RPS6KC1: variants seen among roughly 807,000 people sequenced by gnomAD.
The protein encoded by RPS6KC1 is ribosomal protein S6 kinase C1.
RPS6KC1 carries 54 observed loss-of-function variants against 103.8 expected under a neutral mutation model. The ratio of observed to expected loss-of-function variants is 0.52; its 90% confidence interval spans 0.42 to 0.65. The LOEUF (loss-of-function observed/expected upper bound fraction) is 0.65. Ranked by LOEUF, RPS6KC1 falls within the 30% of genes least tolerant of loss-of-function variation. The pLI is 0.00. For synonymous variants in RPS6KC1, 439 were observed against 438.7 expected, an observed-to-expected ratio of 1.00 and a Z score of -0.01; for missense variants, 1,151 against 1,253.8, an observed-to-expected ratio of 0.92 and a Z score of 1.24.
At chr1:213,556,376 G>A in the RPS6KC1 span, among the ~76,000 whole-genome samples, 2 of 152,184 alleles carry the variant, frequency 1.3e-5, no homozygotes, top group African/African-American at 2.4e-5. Flanking sequence ...AGTAACAATA[G>A]TACATTATTT....
the RPS6KC1 span, among the ~76,000 whole-genome samples, chr1:213,662,840 C>T: frequency 6.6e-6 from 1 of 152,198 alleles, no homozygotes; most frequent in Admixed American, 6.5e-5. Flanking sequence ...CAAATCTTTG[C>T]TTTCAATCCA....
the RPS6KC1 span, among the ~76,000 whole-genome samples, chr1:213,702,730 A>G: frequency 1.9e-3 from 290 of 151,080 alleles, 1 homozygote; most frequent in African/African-American, 6.7e-3. Context: ...AAGTACAGCT[A>G]CTCCTGCTCT....
chr1:213,686,400 C>T, the RPS6KC1 span, among the ~76,000 whole-genome samples: 1 of 152,164 alleles, frequency 6.6e-6, no homozygotes, highest in Non-Finnish European at 1.5e-5. Context: ...TTCCTGGCCA[C>T]TCACCCATCG....
intron 3 of RPS6KC1, among the ~76,000 whole-genome samples, chr1:213,083,287 A>G (rs1179912002): frequency 1.3e-5 from 2 of 152,344 alleles, no homozygotes; most frequent in Admixed American, 6.5e-5. Flanking sequence ...AGTAGCTCAG[A>G]GGGCAGAGCC....
chr1:213,133,289 T>C lies in RPS6KC1; in HGVS notation c.835+3400T>C, dbSNP rs535004559. On this transcript the variant is annotated intron_variant, in intron 6 of 14. Coordinates refer to ENST00000366960, the MANE Select transcript of RPS6KC1 (RefSeq NM_012424.6). ...TACTGAAAGTGGCGGATATGATTAA[T>C]CTATGTGTGGGCTTATTGGAGTGGT... Among the ~76,000 whole-genome samples the C allele has an allele frequency of 2.0e-5, 3 of 152,320 alleles. No homozygotes were observed. The East Asian group carries it at 5.8e-4, about 29-fold the overall frequency.
At chr1:213,170,672 T>A (rs531069109) in intron 7 of RPS6KC1, among the ~76,000 whole-genome samples, 1 of 152,360 alleles carries the variant, frequency 6.6e-6, no homozygotes, top group African/African-American at 2.4e-5. Context: ...AGGCACAGTA[T>A]TTTTCTTTTA....
At chr1:213,723,727 T>G in the RPS6KC1 span, among the ~76,000 whole-genome samples, 1 of 152,242 alleles carries the variant, frequency 6.6e-6, no homozygotes, top group African/African-American at 2.4e-5. Flanking sequence ...TTCAATTCAT[T>G]TACCAAGATA....
At chr1:213,664,192 C>CGGGGA in the RPS6KC1 span, among the ~76,000 whole-genome samples, 1 of 29,858 alleles carries the variant, frequency 3.3e-5, no homozygotes. Flanking sequence ...AAGAAATGAG[C>CGGGGA]GGGGGGGCGG....
chr1:213,302,837 T>A, the RPS6KC1 span, among the ~76,000 whole-genome samples: 2 of 152,250 alleles, frequency 1.3e-5, no homozygotes, highest in East Asian at 3.8e-4. Flanking sequence ...CAGGAGCTTA[T>A]TTTTGTATAT....
At chr1:213,238,295 G>A (rs79559257) in intron 10 of RPS6KC1, among the ~76,000 whole-genome samples, 6,260 of 152,158 alleles carry the variant, frequency 0.041, 200 homozygotes, top group African/African-American at 0.085. Context: ...TTTCACAAGT[G>A]GATACTGGGG....
At chr1:213,375,062 TACAC>T in the RPS6KC1 span, among the ~76,000 whole-genome samples, 124 of 151,140 alleles carry the variant, frequency 8.2e-4, no homozygotes, top group African/African-American at 2.7e-3. Context: ...CGTACACACA[TACAC>T]ACACATACAC....
chr1:213,429,610 A>T, the RPS6KC1 span, among the ~76,000 whole-genome samples: 3 of 152,234 alleles, frequency 2.0e-5, no homozygotes, highest in Middle Eastern at 6.8e-3. Context: ...CCTTAGAAAA[A>T]CCGGATACTT....
At chr1:213,552,436 A>G in the RPS6KC1 span, among the ~76,000 whole-genome samples, 13 of 152,134 alleles carry the variant, frequency 8.5e-5, no homozygotes, top group African/African-American at 3.1e-4. Context: ...GTGGCATCTC[A>G]TTGTTTTAAT....
the RPS6KC1 span, among the ~76,000 whole-genome samples, chr1:213,304,889 T>A: frequency 6.6e-6 from 1 of 152,358 alleles, no homozygotes; most frequent in Admixed American, 6.5e-5. Context: ...CATTTCCATG[T>A]GCCACTAAAC....
At chr1:213,530,741 T>A in the RPS6KC1 span, among the ~76,000 whole-genome samples, 3 of 152,214 alleles carry the variant, frequency 2.0e-5, no homozygotes, top group Non-Finnish European at 4.4e-5. Context: ...TTTCCCCAGA[T>A]CTGCTTGCTT....
the RPS6KC1 span, among the ~76,000 whole-genome samples, chr1:213,484,390 C>A: frequency 6.6e-6 from 1 of 152,174 alleles, no homozygotes; most frequent in South Asian, 2.1e-4. Flanking sequence ...TGGCTATTTG[C>A]AGGTCTCAGA....
the RPS6KC1 span, among the ~76,000 whole-genome samples, chr1:213,772,188 T>C: frequency 6.6e-6 from 1 of 152,188 alleles, no homozygotes. Context: ...GTATCGCTTA[T>C]CTTCTTAGCA....
intron 12 of RPS6KC1, among the ~76,000 whole-genome samples, chr1:213,251,102 C>CTTTTT (rs1235280521): frequency 3.0e-4 from 30 of 100,216 alleles, no homozygotes; most frequent in Admixed American, 3.8e-4. Context: ...GGTTTTTCAG[C>CTTTTT]TTTTTTTTTT....
the RPS6KC1 span, among the ~76,000 whole-genome samples, chr1:213,781,318 G>A: frequency 6.6e-6 from 1 of 152,018 alleles, no homozygotes; most frequent in Non-Finnish European, 1.5e-5. Context: ...TTCAGAGGGA[G>A]CTCATTTATG....
Sources: allele counts gnomAD v4.1 joint callset (sites outside exome capture counted in the v4.1 genomes callset), GRCh38; gene constraint gnomAD v4.1.1; transcripts MANE v1.5; gene names NCBI Gene and HGNC (gene_info 2026-07-23, HGNC 2026-07-21).